Variants in LRP1B observed in about 807,000 individuals in gnomAD.
The protein encoded by LRP1B is LDL receptor related protein 1B.
LRP1B carries 217 observed loss-of-function variants against 556.6 expected under a neutral mutation model. The observed-to-expected ratio is 0.39, with a 90% confidence interval of 0.35 to 0.44. The LOEUF is 0.44. Among genes scored for constraint, LRP1B ranks in the 20% least tolerant of loss-of-function variants. LRP1B has a pLI of 1.00. For synonymous variants in LRP1B, 2,047 were observed against 1,865.8 expected, an observed-to-expected ratio of 1.10 and a Z score of -2.50; for missense variants, 5,053 against 5,620.8, an observed-to-expected ratio of 0.90 and a Z score of 3.23.
At chr2:140,835,990 T>A (rs544584773) in intron 31 of LRP1B, among the ~76,000 whole-genome samples, 2 of 152,320 alleles carry the variant, frequency 1.3e-5, no homozygotes, top group African/African-American at 4.8e-5. Flanking sequence ...AAGTTTGAAC[T>A]TCCCTACATA....
intron 32 of LRP1B, among the ~76,000 whole-genome samples, chr2:140,798,019 C>A (rs1040694942): frequency 6.6e-6 from 1 of 152,084 alleles, no homozygotes; most frequent in Non-Finnish European, 1.5e-5. Context: ...GCTCCTTCCT[C>A]CTAACCCAAC....
intron 41 of LRP1B, among the ~76,000 whole-genome samples, chr2:140,688,752 T>C (rs1436842732): frequency 6.6e-6 from 1 of 152,240 alleles, no homozygotes; most frequent in African/African-American, 2.4e-5. Context: ...CCAGTTCTCA[T>C]GTGGAACCCT....
At chr2:140,267,023 C>A (rs1034262558) in intron 86 of LRP1B, among the ~76,000 whole-genome samples, 1 of 151,958 alleles carries the variant, frequency 6.6e-6, no homozygotes, top group Non-Finnish European at 1.5e-5. Context: ...GACATCCACC[C>A]CTTCCTAGTG....
rs903364959 is a variant in LRP1B at position 141,235,548 on chromosome 2, T to C, written c.593-6108A>G. Reference sequence around the variant, plus strand: ...CAAGAATTCAATATGCAGAGATGGATAAAAGAAAGTCAAGCAAAAGAAACA... The same window carrying C: ...CAAGAATTCAATATGCAGAGATGGACAAAAGAAAGTCAAGCAAAAGAAACA... On this transcript the variant is annotated intron_variant, in intron 5 of 90. Transcript: ENST00000389484. 1.9e-4 allele frequency among the ~76,000 whole-genome samples: 29 copies of C among 151,934 alleles called. 1 individual carries two copies. Among genetic ancestry groups the C allele is most frequent in the Non-Finnish European group, 1.0e-4 (7 of 68,004 alleles).
chr2:140,876,066 T>C (rs1271782626), intron 25 of LRP1B, among the ~76,000 whole-genome samples: 1 of 151,718 alleles, frequency 6.6e-6, no homozygotes, highest in East Asian at 1.9e-4. Flanking sequence ...AGTTTTCTGA[T>C]AACTTTGGAG....
At chr2:140,346,653 G>A (rs1558818822) in intron 77 of LRP1B, among the ~76,000 whole-genome samples, 1 of 151,424 alleles carries the variant, frequency 6.6e-6, no homozygotes. Flanking sequence ...AAGTGTTTTT[G>A]CACACACACA....
At chr2:141,134,035 C>T (rs752239613) in intron 7 of LRP1B, among the ~76,000 whole-genome samples, 46 of 151,966 alleles carry the variant, frequency 3.0e-4, no homozygotes, top group Admixed American at 8.6e-4. Flanking sequence ...TCTTTTATTT[C>T]CTTTCTCAGT....
At chr2:141,010,119 T>C (rs1697697965) in intron 14 of LRP1B, among the ~76,000 whole-genome samples, 1 of 152,098 alleles carries the variant, frequency 6.6e-6, no homozygotes, top group African/African-American at 2.4e-5. Flanking sequence ...AAATGTCTTC[T>C]ATTTGTCATA....
chr2:140,291,732 C>T (rs894838739), intron 84 of LRP1B, among the ~76,000 whole-genome samples: 6 of 151,966 alleles, frequency 3.9e-5, no homozygotes, highest in Admixed American at 2.0e-4. Flanking sequence ...GGGTTGGTTC[C>T]AAGTGTTTGC....
intron 11 of LRP1B, among the ~76,000 whole-genome samples, chr2:141,043,458 A>C (rs1285846515): frequency 6.6e-6 from 1 of 151,798 alleles, no homozygotes; most frequent in Non-Finnish European, 1.5e-5. Context: ...TTATGAAAAA[A>C]GTTTGGTAAA....
chr2:141,916,103 T>C (rs1048528442), intron 1 of LRP1B, among the ~76,000 whole-genome samples: 4 of 152,096 alleles, frequency 2.6e-5, no homozygotes, highest in African/African-American at 9.7e-5. Flanking sequence ...TGAATCATTT[T>C]ACAAAAAAAC....
rs568903056 is a variant in LRP1B, at chr2:141,955,004, C to T, written c.83-144603G>A. Among the ~76,000 whole-genome samples the T allele has an allele frequency of 1.3e-4, 20 of 152,186 alleles. 1 individual carries two copies. The South Asian group carries it at 3.9e-3, about 30-fold the overall frequency. ...CAAATAAAGAAATACAATTTCTGTC[C>T]ATCAAGAGATGCTATAAGAACATAA... On this transcript the variant is annotated intron_variant, in intron 1 of 90. Transcript: ENST00000389484.
At chr2:141,728,116 G>A (rs977283431) in intron 2 of LRP1B, among the ~76,000 whole-genome samples, 4 of 152,142 alleles carry the variant, frequency 2.6e-5, no homozygotes, top group Non-Finnish European at 4.4e-5. Context: ...TGTTCCGCTG[G>A]AGAGAAAATA....
Position 140,816,994 on chromosome 2 carries a change from A to C in LRP1B, c.5210-3188T>G, listed in dbSNP as rs377406755. On this transcript the variant is annotated intron_variant, in intron 31 of 90. Transcript: ENST00000389484. ...TATTTAAAAAAATGAATCACTAGGC[A>C]GTGAACAAATAATTGTTTAATGCAA... Among the ~76,000 whole-genome samples, 18 of 152,308 alleles carry C rather than the reference A, an allele frequency of 1.2e-4. No homozygotes were observed. The East Asian group carries it at 2.5e-3, about 21-fold the overall frequency.
At chr2:142,033,574 G>C (rs976386152) in intron 1 of LRP1B, among the ~76,000 whole-genome samples, 11 of 151,712 alleles carry the variant, frequency 7.3e-5, no homozygotes, top group Non-Finnish European at 1.6e-4. Flanking sequence ...TAAATGGTGA[G>C]AAAAGTGGAC....
intron 2 of LRP1B, among the ~76,000 whole-genome samples, chr2:141,690,398 T>TAA (rs3039235): frequency 0.14 from 3,903 of 27,346 alleles, 201 homozygotes; most frequent in East Asian, 0.18. Flanking sequence ...CATCTATAAA[T>TAA]ATATATATAT....
chr2:142,042,130 A>T (rs567510560), intron 1 of LRP1B, among the ~76,000 whole-genome samples: 1 of 151,562 alleles, frequency 6.6e-6, no homozygotes. Flanking sequence ...AGCCATACGA[A>T]ATAAACGACT....
At chr2:141,703,672 A>T (rs1401590110) in intron 2 of LRP1B, among the ~76,000 whole-genome samples, 1 of 151,940 alleles carries the variant, frequency 6.6e-6, no homozygotes, top group African/African-American at 2.4e-5. Flanking sequence ...TCCTGCAGCT[A>T]GCAATATCAA....
chr2:140,777,718 A>G (rs143506478), intron 32 of LRP1B, among the ~76,000 whole-genome samples: 69 of 152,286 alleles, frequency 4.5e-4, no homozygotes, highest in African/African-American at 1.5e-3. Flanking sequence ...TCTAATTAAC[A>G]TACTCAAGAG....
Sources: gnomAD v4.1 joint callset for allele counts (sites outside exome capture counted in the v4.1 genomes callset) on GRCh38, gnomAD v4.1.1 for gene constraint, MANE v1.5 for transcripts, NCBI Gene and HGNC (gene_info 2026-07-23, HGNC 2026-07-21) for gene names.